SPAST: variants seen among roughly 807,000 people sequenced by gnomAD.
The protein encoded by SPAST is spastin, also known as spastic paraplegia 4 (autosomal dominant; spastin).
SPAST carries 30 observed loss-of-function variants against 76.6 expected under a neutral mutation model. The ratio of observed to expected loss-of-function variants is 0.39; its 90% CI spans 0.29 to 0.53. The LOEUF (loss-of-function observed/expected upper bound fraction) is 0.53, where lower values mean the gene tolerates loss of function less well. Ranked by LOEUF, SPAST falls within the 20% of genes least tolerant of loss-of-function variation. SPAST has a pLI of 0.68. For missense variants in SPAST, 717 were observed against 770.5 expected, an observed-to-expected ratio of 0.93 and a Z score of 0.82; for synonymous variants, 305 against 281.0, an observed-to-expected ratio of 1.09 and a Z score of -0.86.
intron 16 of SPAST, among the ~76,000 whole-genome samples, chr2:32,147,590 T>G (rs958802061): frequency 6.6e-6 from 1 of 152,104 alleles, no homozygotes; most frequent in African/African-American, 2.4e-5. Flanking sequence ...GTGCTGGGAT[T>G]ACAGGCTTGA....
chr2:32,081,909 G>T (rs565488705), intron 1 of SPAST, among the ~76,000 whole-genome samples: 6 of 150,280 alleles, frequency 4.0e-5, no homozygotes, highest in Non-Finnish European at 5.9e-5. Context: ...GCTTGATATG[G>T]TCCCTCCTTT....
At chr2:32,118,630 T>G (rs4952250) in intron 7 of SPAST, among the ~76,000 whole-genome samples, 61,946 of 152,020 alleles carry the variant, frequency 0.41, 12,947 homozygotes, top group East Asian at 0.64. Flanking sequence ...AGCAGTCTTC[T>G]GATCGATTCA....
chr2:32,128,922 G>T, intron 9 of SPAST: 1 of 212,336 alleles, frequency 4.7e-6, no homozygotes, highest in Non-Finnish European at 9.7e-6. Flanking sequence ...ATCTTTATGT[G>T]GCATTCTCCC....
intron 7 of SPAST, among the ~76,000 whole-genome samples, chr2:32,124,950 C>G (rs952900308): frequency 6.6e-6 from 1 of 152,056 alleles, no homozygotes; most frequent in African/African-American, 2.4e-5. Flanking sequence ...TTATGATAAT[C>G]CAATGGTGGA....
intron 10 of SPAST, 87 bp from the exon 11 acceptor site, chr2:32,136,790 A>G: frequency 8.1e-7 from 1 of 1,237,166 alleles, no homozygotes; most frequent in South Asian, 1.2e-5. Flanking sequence ...AGGACCCACT[A>G]TATTAATAAG....
intron 4 of SPAST, among the ~76,000 whole-genome samples, chr2:32,112,010 TA>T (rs1573112934): frequency 1.8e-5 from 2 of 112,716 alleles, no homozygotes; most frequent in Non-Finnish European, 2.0e-5. Context: ...GTAGTAGTAG[TA>T]GTTTTTTTTT....
At chr2:32,134,515 G>C (rs1679472028) in intron 9 of SPAST, among the ~76,000 whole-genome samples, 1 of 150,652 alleles carries the variant, frequency 6.6e-6, no homozygotes, top group African/African-American at 2.4e-5. Context: ...TGTTGCCAGG[G>C]CTGGTCTCAA....
At chr2:32,115,913 A>G (rs1678815905) in intron 6 of SPAST, 78 bp downstream of exon 6, 1 of 1,177,114 alleles carries the variant, frequency 8.5e-7, no homozygotes, top group African/African-American at 1.6e-5. Flanking sequence ...CAGGAGTGAA[A>G]TAGATAATAA....
chr2:32,080,934 A>T (rs577616445), intron 1 of SPAST, among the ~76,000 whole-genome samples: 2 of 151,006 alleles, frequency 1.3e-5, no homozygotes, highest in African/African-American at 4.9e-5. Flanking sequence ...AGCTAGGACT[A>T]CAGGCACGTG....
At chr2:32,124,670 A>G (rs1679133423) in intron 7 of SPAST, among the ~76,000 whole-genome samples, 1 of 152,222 alleles carries the variant, frequency 6.6e-6, no homozygotes, top group Non-Finnish European at 1.5e-5. Context: ...GAATGGATAA[A>G]CAGACTTTGG....
At chr2:32,101,179 T>A (rs943586354) in intron 4 of SPAST, among the ~76,000 whole-genome samples, 1 of 152,218 alleles carries the variant, frequency 6.6e-6, no homozygotes, top group African/African-American at 2.4e-5. Flanking sequence ...GGTATCTCAT[T>A]GTGGTTTTGA....
chr2:32,155,925 TA>T lies in SPAST; in HGVS notation c.*1435del, dbSNP rs1270991234. On this transcript the variant is annotated 3_prime_UTR_variant, in exon 17 of 17. Coordinates refer to ENST00000315285, the MANE Select transcript of SPAST (RefSeq NM_014946.4). ...TAGGTTTTGAAAGAATACATTAAAATAAAAAACTTGCCCCTACTAGGTAAGA... is the reference window on the plus strand; with the variant it reads ...TAGGTTTTGAAAGAATACATTAAAATAAAAACTTGCCCCTACTAGGTAAGA... The T allele has an allele frequency of 6.6e-6, 1 of 152,514 alleles. No individual in the cohort carries two copies. Among genetic ancestry groups the T allele is most frequent in the Non-Finnish European group, 1.5e-5 (1 of 68,006 alleles). 9.4% of individuals were successfully genotyped at this position (152,514 alleles called of 1,614,324 possible).
chr2:32,110,320 A>AT (rs1213350806), intron 4 of SPAST, among the ~76,000 whole-genome samples: 1 of 149,064 alleles, frequency 6.7e-6, no homozygotes, highest in East Asian at 2.0e-4. Context: ...GGGTTTCACC[A>AT]TGTTGGCCAG....
intron 1 of SPAST, among the ~76,000 whole-genome samples, chr2:32,074,240 A>G (rs1309157757): frequency 2.6e-5 from 4 of 152,214 alleles, no homozygotes; most frequent in Non-Finnish European, 5.9e-5. Flanking sequence ...AGTGAGGTCT[A>G]AAGCTGTAGT....
chr2:32,142,367 C>T (rs755551087), intron 13 of SPAST, among the ~76,000 whole-genome samples: 12 of 152,220 alleles, frequency 7.9e-5, no homozygotes, highest in Admixed American at 7.2e-4. Context: ...TGATATATGT[C>T]GCATATCATA....
chr2:32,076,675 G>A (rs1676973533), intron 1 of SPAST, among the ~76,000 whole-genome samples: 1 of 152,012 alleles, frequency 6.6e-6, no homozygotes, highest in African/African-American at 2.4e-5. Flanking sequence ...CACCATGAAA[G>A]TCTACCAGGA....
intron 1 of SPAST, among the ~76,000 whole-genome samples, chr2:32,068,755 G>A (rs1676626259): frequency 6.6e-6 from 1 of 152,084 alleles, no homozygotes; most frequent in Admixed American, 6.5e-5. Context: ...TTAGCCGGAT[G>A]TGGTGGCGGG....
chr2:32,135,118 TTGTGTGTGTGTG>T (rs57308975), intron 9 of SPAST, among the ~76,000 whole-genome samples: 2 of 147,394 alleles, frequency 1.4e-5, no homozygotes, highest in African/African-American at 2.5e-5. Flanking sequence ...TCTGATAATT[TTGTGTGTGTGTG>T]TGTGTGTGTG....
At chr2:32,096,751 C>T (rs1304261188) in intron 3 of SPAST, among the ~76,000 whole-genome samples, 2 of 152,016 alleles carry the variant, frequency 1.3e-5, no homozygotes, top group East Asian at 1.9e-4. Context: ...CATTTATGTA[C>T]GGATGTCTAC....
Sources: gnomAD v4.1 joint callset for allele counts (sites outside exome capture counted in the v4.1 genomes callset) on GRCh38, gnomAD v4.1.1 for gene constraint, MANE v1.5 for transcripts, NCBI Gene and HGNC (gene_info 2026-07-23, HGNC 2026-07-21) for gene names.